The following FOXP2 variants were observed in gnomAD, a reference collection of about 807,000 sequenced individuals.
FOXP2 encodes forkhead box P2.
In FOXP2, 12 loss-of-function variants were observed where a neutral mutation model predicts 115.8. The observed-to-expected ratio is 0.10, with a 90% confidence interval of 0.07 to 0.17. The LOEUF is 0.17. FOXP2 is among the 10% of genes least tolerant of loss of function. The pLI is 1.00. For synonymous variants in FOXP2, 328 were observed against 297.7 expected, an observed-to-expected ratio of 1.10 and a Z score of -1.05; for missense variants, 629 against 843.5, an observed-to-expected ratio of 0.75 and a Z score of 3.15.
chr7:114,425,630 C>G (rs777749247), intron 1 of FOXP2, among the ~76,000 whole-genome samples: 9 of 151,598 alleles, frequency 5.9e-5, no homozygotes, highest in Non-Finnish European at 1.3e-4. Context: ...CTGTTTTTAG[C>G]ACAATCATTA....
intron 1 of FOXP2, among the ~76,000 whole-genome samples, chr7:114,222,122 A>G (rs1273976911): frequency 6.6e-6 from 1 of 152,202 alleles, no homozygotes; most frequent in Non-Finnish European, 1.5e-5. Context: ...GTTGTTTGAT[A>G]GTAATCCTGA....
intron 2 of FOXP2, among the ~76,000 whole-genome samples, chr7:114,466,328 G>A (rs1249545899): frequency 6.6e-6 from 1 of 152,186 alleles, no homozygotes; most frequent in Non-Finnish European, 1.5e-5. Flanking sequence ...CAGGATTTCA[G>A]TCAGGTGAGT....
At chr7:114,583,935 C>G (rs1219832206) in intron 3 of FOXP2, among the ~76,000 whole-genome samples, 2 of 152,068 alleles carry the variant, frequency 1.3e-5, no homozygotes, top group Non-Finnish European at 2.9e-5. Context: ...AAGTTTTGGT[C>G]AAAGTATCGA....
intron 2 of FOXP2, among the ~76,000 whole-genome samples, chr7:114,523,714 C>T (rs542128597): frequency 2.0e-5 from 3 of 152,278 alleles, no homozygotes; most frequent in South Asian, 4.1e-4. Flanking sequence ...AACATGTTCA[C>T]TCACTCTTCC....
chr7:114,594,889 G>GGT (rs1359394845), intron 3 of FOXP2, among the ~76,000 whole-genome samples: 1 of 151,862 alleles, frequency 6.6e-6, no homozygotes, highest in Non-Finnish European at 1.5e-5. Flanking sequence ...ACTAGATGAA[G>GGT]GTATGTTCTC....
intron 3 of FOXP2, among the ~76,000 whole-genome samples, chr7:114,625,998 A>G (rs1192669366): frequency 6.6e-6 from 1 of 151,702 alleles, no homozygotes; most frequent in East Asian, 1.9e-4. Flanking sequence ...TTATATCTGT[A>G]TATTGTCAGT....
chr7:114,499,796 C>T (rs763353588), intron 2 of FOXP2: 1 of 152,094 alleles, frequency 6.6e-6, no homozygotes, highest in Non-Finnish European at 1.5e-5. Flanking sequence ...TGAAGGATTG[C>T]TTAATTAATT....
At position 114,484,073 on chromosome 7, in the gene FOXP2, T is replaced by A. The variant is rs1429261021; in HGVS notation, c.169-50544T>A. On this transcript the variant is annotated intron_variant, in intron 2 of 16. Coordinates refer to ENST00000350908, the MANE Select transcript of FOXP2 (RefSeq NM_014491.4). ...TATATGAAGTCAGAATTCCCTATAA[T>A]ATAAATCTTGGGTAACAATTTCTTT... Among the ~76,000 whole-genome samples the A allele has an allele frequency of 4.0e-5, 6 of 151,808 alleles. No individual in the cohort carries two copies. The East Asian group carries it at 1.2e-3, about 29-fold the overall frequency.
intron 2 of FOXP2, among the ~76,000 whole-genome samples, chr7:114,309,377 C>T (rs1272846686): frequency 6.6e-6 from 1 of 152,172 alleles, no homozygotes. Context: ...ACCAGTGCAC[C>T]AGTTCATAGC....
At chr7:114,454,716 G>GTA (rs1316214144) in intron 2 of FOXP2, among the ~76,000 whole-genome samples, 16 of 128,500 alleles carry the variant, frequency 1.2e-4, no homozygotes, top group African/African-American at 4.9e-4. Flanking sequence ...CATGTCCTTT[G>GTA]TAGGGACATG....
intron 3 of FOXP2, among the ~76,000 whole-genome samples, chr7:114,626,835 C>T (rs866663856): frequency 5.3e-5 from 8 of 151,712 alleles, no homozygotes; most frequent in African/African-American, 1.9e-4. Context: ...AACAACTAAA[C>T]ACTTGAAAAA....
At chr7:114,388,909 T>G (rs970168394) in intron 2 of FOXP2, among the ~76,000 whole-genome samples, 2 of 152,300 alleles carry the variant, frequency 1.3e-5, no homozygotes, top group Non-Finnish European at 1.5e-5. Context: ...CTATAGAACT[T>G]TTTAGAATGC....
chr7:114,498,155 C>CA (rs766328035), intron 2 of FOXP2, among the ~76,000 whole-genome samples: 4 of 152,086 alleles, frequency 2.6e-5, no homozygotes, highest in Non-Finnish European at 4.4e-5. Flanking sequence ...AATTTGGTTT[C>CA]ACTTAGCTTT....
At chr7:114,138,516 C>T (rs532605084) in intron 1 of FOXP2, among the ~76,000 whole-genome samples, 2 of 152,006 alleles carry the variant, frequency 1.3e-5, no homozygotes, top group South Asian at 2.1e-4. Flanking sequence ...CTCAGCCTCC[C>T]GAGTAGCTGG....
chr7:114,525,918 C>T (rs570307354), intron 2 of FOXP2, among the ~76,000 whole-genome samples: 2 of 151,924 alleles, frequency 1.3e-5, no homozygotes, highest in Middle Eastern at 3.4e-3. Flanking sequence ...TTCAGACCAG[C>T]CTGAGCAATG....
intron 8 of FOXP2, among the ~76,000 whole-genome samples, chr7:114,651,142 A>C (rs1419613535): frequency 6.6e-6 from 1 of 152,038 alleles, no homozygotes; most frequent in Non-Finnish European, 1.5e-5. Flanking sequence ...GGGCTATTAT[A>C]AACTTTTTAG....
intron 2 of FOXP2, among the ~76,000 whole-genome samples, chr7:114,529,531 T>C (rs1041241978): frequency 6.6e-6 from 1 of 151,880 alleles, no homozygotes; most frequent in African/African-American, 2.4e-5. Context: ...TAAGTAGTCT[T>C]AGTATCTCAA....
At position 114,609,112 on chromosome 7, in the gene FOXP2, T is replaced by G. The variant is rs1188945455; in HGVS notation, c.259-19428T>G. Among the ~76,000 whole-genome samples, 4 of 151,492 alleles carry G rather than the reference T, an allele frequency of 2.6e-5. No individual in the cohort carries two copies. In the South Asian group the frequency reaches 8.3e-4, roughly 32 times the overall value. On this transcript the variant is annotated intron_variant, in intron 3 of 16. Transcript: ENST00000350908. ...TCTGTAATCCCAGCTGCCTGAGAGG[T>G]TGAAGCAAGAGAATCGCTTGAACCC...
chr7:114,371,509 G>A (rs1792006760), intron 2 of FOXP2, among the ~76,000 whole-genome samples: 2 of 151,776 alleles, frequency 1.3e-5, no homozygotes, highest in South Asian at 2.1e-4. Flanking sequence ...ATATATGTAG[G>A]GACATTGTAT....
Sources: gnomAD v4.1 joint callset for allele counts (sites outside exome capture counted in the v4.1 genomes callset) on GRCh38, gnomAD v4.1.1 for gene constraint, MANE v1.5 for transcripts, NCBI Gene and HGNC (gene_info 2026-07-23, HGNC 2026-07-21) for gene names.